LOC128462377: variants seen among roughly 807,000 people sequenced by gnomAD.
At chr16:89,417,718 C>T in the LOC128462377 span, among the ~76,000 whole-genome samples, 3 of 152,108 alleles carry the variant, frequency 2.0e-5, no homozygotes, top group East Asian at 1.9e-4. Context: ...AGGAACCTAA[C>T]AAGAGCACAA....
the LOC128462377 span, among the ~76,000 whole-genome samples, chr16:89,388,768 G>A: frequency 1.3e-5 from 2 of 152,286 alleles, no homozygotes; most frequent in Admixed American, 1.3e-4. Context: ...CCACTGCCCA[G>A]CCAGATCCCT....
the LOC128462377 span, among the ~76,000 whole-genome samples, chr16:89,347,124 T>C: frequency 6.6e-6 from 1 of 152,080 alleles, no homozygotes; most frequent in Non-Finnish European, 1.5e-5. Flanking sequence ...TGTCTCTCGT[T>C]GGTCCGGGCA....
At chr16:89,390,096 G>C in the LOC128462377 span, among the ~76,000 whole-genome samples, 3 of 58,836 alleles carry the variant, frequency 5.1e-5, 1 homozygote, top group East Asian at 1.4e-3. Flanking sequence ...CACAGACAGA[G>C]AAGATCACTG....
chr16:89,348,870 C>CT, the LOC128462377 span, among the ~76,000 whole-genome samples: 2 of 144,232 alleles, frequency 1.4e-5, no homozygotes, highest in Admixed American at 1.4e-4. Context: ...GTTTTATTGT[C>CT]TTTAAAAAAA....
the LOC128462377 span, among the ~76,000 whole-genome samples, chr16:89,377,288 T>A: frequency 2.6e-5 from 4 of 151,854 alleles, no homozygotes; most frequent in African/African-American, 7.3e-5. Context: ...AGAGAGAGCA[T>A]CATGAGTGTC....
chr16:89,411,813 A>G, the LOC128462377 span, among the ~76,000 whole-genome samples: 9 of 152,214 alleles, frequency 5.9e-5, no homozygotes, highest in Non-Finnish European at 1.0e-4. Context: ...GGGGAAAAAA[A>G]GAGACTAGAA....
the LOC128462377 span, among the ~76,000 whole-genome samples, chr16:89,415,829 C>CAAACAAAA: frequency 2.5e-5 from 1 of 39,744 alleles, no homozygotes; most frequent in African/African-American, 9.3e-5. Context: ...GACTCTGTCT[C>CAAACAAAA]AAAAAAAAAA....
At chr16:89,377,291 T>C in the LOC128462377 span, among the ~76,000 whole-genome samples, 1 of 152,054 alleles carries the variant, frequency 6.6e-6, no homozygotes, top group African/African-American at 2.4e-5. Context: ...GAGAGCATCA[T>C]GAGTGTCTGG....
the LOC128462377 span, among the ~76,000 whole-genome samples, chr16:89,329,238 G>A: frequency 6.6e-6 from 1 of 152,240 alleles, no homozygotes; most frequent in East Asian, 1.9e-4. Flanking sequence ...CTAGGACCAG[G>A]TATCCAGGAT....
chr16:89,368,379 T>C, the LOC128462377 span, among the ~76,000 whole-genome samples: 1 of 130,096 alleles, frequency 7.7e-6, no homozygotes, highest in Non-Finnish European at 1.6e-5. Context: ...GTGTTTTTTT[T>C]TTTTTTTTTT....
the LOC128462377 span, among the ~76,000 whole-genome samples, chr16:89,370,926 C>T: frequency 1.4e-3 from 208 of 152,262 alleles, 1 homozygote; most frequent in African/African-American, 4.8e-3. Flanking sequence ...CTGCAGGCGC[C>T]ACGAGACGCC....
At chr16:89,417,090 T>A in the LOC128462377 span, among the ~76,000 whole-genome samples, 3 of 152,200 alleles carry the variant, frequency 2.0e-5, no homozygotes, top group Non-Finnish European at 4.4e-5. Flanking sequence ...TTCAAGGATA[T>A]CTCAGATTCC....
the LOC128462377 span, among the ~76,000 whole-genome samples, chr16:89,341,565 TA>T: frequency 2.9e-3 from 434 of 151,982 alleles, 5 homozygotes; most frequent in African/African-American, 0.01. Context: ...GATAATGGCA[TA>T]AAAAAAATTC....
chr16:89,407,273 A>C, the LOC128462377 span, among the ~76,000 whole-genome samples: 1 of 152,286 alleles, frequency 6.6e-6, no homozygotes, highest in South Asian at 2.1e-4. Flanking sequence ...TGACAGAAAA[A>C]GACTCATATT....
chr16:89,388,101 C>T, the LOC128462377 span, among the ~76,000 whole-genome samples: 1 of 151,934 alleles, frequency 6.6e-6, no homozygotes, highest in Non-Finnish European at 1.5e-5. Context: ...AGTTCAGAGT[C>T]CCTGTACAGC....
At chr16:89,364,998 C>T in the LOC128462377 span, among the ~76,000 whole-genome samples, 3 of 152,188 alleles carry the variant, frequency 2.0e-5, no homozygotes, top group Non-Finnish European at 2.9e-5. Context: ...CATTCTAAGA[C>T]GCTTCCCAAG....
At chr16:89,401,847 C>T in the LOC128462377 span, among the ~76,000 whole-genome samples, 7 of 152,216 alleles carry the variant, frequency 4.6e-5, no homozygotes, top group East Asian at 3.9e-4. Flanking sequence ...CAAGCCCGGG[C>T]GCACCAGAGA....
the LOC128462377 span, among the ~76,000 whole-genome samples, chr16:89,362,572 A>G: frequency 6.6e-6 from 1 of 152,354 alleles, no homozygotes; most frequent in African/African-American, 2.4e-5. Flanking sequence ...TCCTCTTCAA[A>G]GACTTTCCTC....
chr16:89,337,530 G>T, the LOC128462377 span, among the ~76,000 whole-genome samples: 123 of 127,152 alleles, frequency 9.7e-4, no homozygotes, highest in African/African-American at 3.5e-3. Flanking sequence ...TCCGCCTCCC[G>T]GGTTCACGCC....
Sources: allele counts gnomAD v4.1 joint callset (sites outside exome capture counted in the v4.1 genomes callset), GRCh38; gene constraint gnomAD v4.1.1; transcripts MANE v1.5.